Variants in PPP4R2 observed in about 807,000 individuals in gnomAD.
PPP4R2 encodes the protein serine/threonine-protein phosphatase 4 regulatory subunit 2.
A neutral mutation model predicts 47.2 loss-of-function variants in PPP4R2; 13 were observed. That is an observed-to-expected ratio of 0.28 (90% CI 0.18 to 0.44). PPP4R2 has a LOEUF of 0.44. Among genes scored for constraint, PPP4R2 ranks in the 20% least tolerant of loss-of-function variants. PPP4R2 has a pLI of 1.00. For synonymous variants in PPP4R2, 151 were observed against 163.3 expected, an observed-to-expected ratio of 0.92 and a Z score of 0.57; for missense variants, 421 against 491.2, an observed-to-expected ratio of 0.86 and a Z score of 1.35.
intron 2 of PPP4R2, among the ~76,000 whole-genome samples, chr3:73,031,873 A>G (rs974022229): frequency 3.3e-5 from 5 of 152,198 alleles, no homozygotes; most frequent in African/African-American, 1.2e-4. Flanking sequence ...AGGAATAACG[A>G]CCATTGGGTG....
At chr3:73,042,241 A>C (rs1202927313) in intron 2 of PPP4R2, among the ~76,000 whole-genome samples, 1 of 152,074 alleles carries the variant, frequency 6.6e-6, no homozygotes, top group African/African-American at 2.4e-5. Context: ...TTGAAAGCCA[A>C]GGGTTTTTTT....
intron 5 of PPP4R2, chr3:73,062,958 T>C (rs1702901469): frequency 7.0e-7 from 1 of 1,437,156 alleles, no homozygotes; most frequent in South Asian, 1.2e-5. Context: ...TCTAGATCAG[T>C]GCATGGATGG....
chr3:73,001,673 C>T (rs1303235897), intron 2 of PPP4R2, among the ~76,000 whole-genome samples: 1 of 152,038 alleles, frequency 6.6e-6, no homozygotes, highest in African/African-American at 2.4e-5. Context: ...TGGAGTCTCG[C>T]CCTATGCCAC....
rs1396752685 is a variant in PPP4R2, at chr3:73,068,389, T to G, written c.*2667T>G. The G allele has an allele frequency of 1.3e-5, 2 of 152,188 alleles. No homozygotes were observed. The highest frequency in any genetic ancestry group is 4.8e-5 in the African/African-American group (2 of 41,450). The allele number at this position is 152,188 out of a possible 1,614,324, so 9.4% of individuals were successfully genotyped here. On this transcript the variant is annotated 3_prime_UTR_variant, in exon 9 of 9. Transcript: ENST00000356692. ...AGTGAGATATATATATATATATGTA[T>G]TATGTTTCTAGCACTTTTCCCTTTT... is the stretch of plus-strand genomic sequence containing the variant.
At chr3:73,058,985 C>A in intron 3 of PPP4R2, 52 bp from the exon 4 acceptor site, 1 of 1,090,734 alleles carries the variant, frequency 9.2e-7, no homozygotes, top group Non-Finnish European at 1.4e-6. Flanking sequence ...TAATGTTCCT[C>A]GTTTTCTTGA....
At chr3:73,019,627 G>A (rs115364830) in intron 2 of PPP4R2, among the ~76,000 whole-genome samples, 1,735 of 152,292 alleles carry the variant, frequency 0.011, 32 homozygotes, top group African/African-American at 0.039. Flanking sequence ...GCTCCCTTTG[G>A]CTTCCCAAAG....
chr3:73,055,865 C>G (rs1702722591), intron 3 of PPP4R2, among the ~76,000 whole-genome samples: 1 of 152,096 alleles, frequency 6.6e-6, no homozygotes, highest in South Asian at 2.1e-4. Flanking sequence ...TTCGGCTTCC[C>G]AAAGTCCTGG....
intron 3 of PPP4R2, among the ~76,000 whole-genome samples, chr3:73,058,604 CA>C (rs1268682178): frequency 1.3e-5 from 2 of 151,776 alleles, no homozygotes; most frequent in Admixed American, 1.3e-4. Flanking sequence ...GCATTATAAT[CA>C]CATCAGGGTA....
chr3:72,998,737 A>T (rs1311519028), intron 2 of PPP4R2, among the ~76,000 whole-genome samples: 9 of 152,188 alleles, frequency 5.9e-5, no homozygotes, highest in Non-Finnish European at 2.9e-5. Context: ...GCTCGTTTCC[A>T]AATGTTCTGA....
In PPP4R2 at chr3:73,067,883, ACT is replaced by A. The variant is rs1358437203; in HGVS notation, c.*2164_*2165del. The A allele has an allele frequency of 6.6e-6, 1 of 152,168 alleles. No homozygotes were observed. The highest frequency in any genetic ancestry group is 2.1e-4 in the South Asian group (1 of 4,824). 9.4% of individuals were successfully genotyped at this position (152,168 alleles called of 1,614,324 possible). On this transcript the variant is annotated 3_prime_UTR_variant, in exon 9 of 9. Coordinates refer to ENST00000356692, the MANE Select transcript of PPP4R2 (RefSeq NM_174907.4). ...GAATGTACCAAAATGACATCACTTA[ACT>A]CTATGAGAGATCTGCATTTTAATCT...
At chr3:73,022,463 A>T (rs4677226) in intron 2 of PPP4R2, among the ~76,000 whole-genome samples, 80,100 of 151,972 alleles carry the variant, frequency 0.53, 21,486 homozygotes, top group African/African-American at 0.62. Context: ...CAAGTGATAG[A>T]AGCCTCATAA....
At chr3:73,052,649 C>A (rs1702641875) in intron 3 of PPP4R2, among the ~76,000 whole-genome samples, 1 of 152,062 alleles carries the variant, frequency 6.6e-6, no homozygotes, top group African/African-American at 2.4e-5. Flanking sequence ...ATTTTATGTT[C>A]TCTGAATTTT....
intron 2 of PPP4R2, among the ~76,000 whole-genome samples, chr3:73,029,097 C>T (rs868342336): frequency 2.7e-4 from 41 of 152,172 alleles, no homozygotes; most frequent in African/African-American, 8.7e-4. Context: ...AGGCTTGCAC[C>T]GCCATGCCTG....
rs1702958969 is a variant in PPP4R2 at position 73,065,066 on chromosome 3, A to G, written c.853A>G (p.Lys285Glu). Reference protein sequence around the residue: ...ETEASSSSQDKDKDSRCTRQH... With the variant: ...ETEASSSSQDEDKDSRCTRQH... ...AGAAGCATCATCTTCATCTCAGGAT[A>G]AAGACAAAGATAGCCGTTGTACCCG... is the stretch of plus-strand genomic sequence containing the variant. Residue 285 changes from lysine to glutamate, a missense_variant, in exon 8 of 9, where the codon AAA (lysine) becomes GAA (glutamate). Physicochemically the swap from Lys to Glu is moderately conservative, Grantham distance 56. This residue lies in a region of PPP4R2 where 317 missense variants were observed against 287.5 expected (regional missense o/e 1.10). Transcript: ENST00000356692. 6.2e-7 allele frequency: 1 copy of G among 1,613,966 alleles called. No individual in the cohort carries two copies. Among genetic ancestry groups the G allele is most frequent in the South Asian group, 1.1e-5 (1 of 91,080 alleles).
At chr3:73,028,217 A>G (rs1186921828) in intron 2 of PPP4R2, among the ~76,000 whole-genome samples, 1 of 145,168 alleles carries the variant, frequency 6.9e-6, no homozygotes, top group East Asian at 2.2e-4. Context: ...AGATCACACC[A>G]CCATATTCCA....
At chr3:73,018,166 C>G (rs927930926) in intron 2 of PPP4R2, among the ~76,000 whole-genome samples, 2 of 152,102 alleles carry the variant, frequency 1.3e-5, no homozygotes, top group Non-Finnish European at 2.9e-5. Flanking sequence ...TTTAGCCAGG[C>G]AGATATACAC....
intron 2 of PPP4R2, among the ~76,000 whole-genome samples, chr3:73,023,436 T>G (rs1462709954): frequency 6.6e-6 from 1 of 152,198 alleles, no homozygotes; most frequent in Non-Finnish European, 1.5e-5. Context: ...TCCACCCGCC[T>G]TGGCCTCACA....
intron 2 of PPP4R2, among the ~76,000 whole-genome samples, chr3:73,012,976 G>A (rs1401605842): frequency 6.6e-6 from 1 of 151,348 alleles, no homozygotes; most frequent in Non-Finnish European, 1.5e-5. Flanking sequence ...ATGTTTGTAG[G>A]GTCATTGCAA....
At chr3:73,008,910 G>A (rs2107220129) in intron 2 of PPP4R2, among the ~76,000 whole-genome samples, 1 of 152,260 alleles carries the variant, frequency 6.6e-6, no homozygotes, top group East Asian at 1.9e-4. Flanking sequence ...TATGACCAAG[G>A]CTGACTTCTC....
Sources: allele counts gnomAD v4.1 joint callset (sites outside exome capture counted in the v4.1 genomes callset), GRCh38; gene constraint gnomAD v4.1.1; regional missense constraint gnomAD v4.1.1; transcripts MANE v1.5; gene names NCBI Gene and HGNC (gene_info 2026-07-23, HGNC 2026-07-21).